Variants in PSMG2 observed in about 807,000 individuals in gnomAD.
PSMG2 encodes the protein proteasome assembly chaperone 2, also known as CD40 ligand-activated specific transcript 3.
Under a neutral mutation model 31.5 loss-of-function variants are expected in PSMG2, and 21 were observed. That is an observed-to-expected ratio of 0.67 (90% CI 0.47 to 0.96). The LOEUF is 0.96. Ranked by LOEUF, PSMG2 falls within the 40% of genes least tolerant of loss-of-function variation. PSMG2 has a pLI of 0.00. For missense variants in PSMG2, 318 were observed against 321.2 expected (o/e 0.99, Z 0.08); for synonymous variants, 120 against 110.4 (o/e 1.09, Z -0.54).
At chr18:12,666,436 GTTT>G (rs557490556) in intron 1 of PSMG2, among the ~76,000 whole-genome samples, 4 of 126,610 alleles carry the variant, frequency 3.2e-5, no homozygotes, top group South Asian at 2.6e-4. Flanking sequence ...AAATTTTATG[GTTT>G]TTTTTTTTTT....
intron 1 of PSMG2, chr18:12,672,921 A>T (rs900549626): frequency 1.0e-6 from 1 of 983,896 alleles, no homozygotes. Context: ...TGCAATAAAT[A>T]AATCTGTCAT....
chr18:12,725,071 C>A (rs547123390), intron 6 of PSMG2, among the ~76,000 whole-genome samples: 64 of 152,282 alleles, frequency 4.2e-4, no homozygotes, highest in African/African-American at 1.5e-3. Flanking sequence ...TTAGGCATAA[C>A]AGAACACTGA....
intron 2 of PSMG2, among the ~76,000 whole-genome samples, chr18:12,708,736 GTTC>G (rs1368179791): frequency 4.1e-5 from 1 of 24,526 alleles, no homozygotes; most frequent in Non-Finnish European, 8.1e-5. Flanking sequence ...ACAGAGTTTT[GTTC>G]TTGTTGCCCA....
chr18:12,709,944 CT>C (rs768131982), intron 2 of PSMG2, among the ~76,000 whole-genome samples: 273 of 132,138 alleles, frequency 2.1e-3, no homozygotes, highest in Non-Finnish European at 1.9e-3. Context: ...CCCTCATAAA[CT>C]TTTTTTTTTT....
intron 1 of PSMG2, among the ~76,000 whole-genome samples, chr18:12,678,780 A>AC (rs2039237386): frequency 6.6e-6 from 1 of 152,004 alleles, no homozygotes; most frequent in African/African-American, 2.4e-5. Context: ...ACATGGTGAA[A>AC]CCCCGTCTCT....
chr18:12,680,877 C>G (rs1204937331), intron 1 of PSMG2: 17 of 1,484,742 alleles, frequency 1.1e-5, no homozygotes, highest in Non-Finnish European at 1.4e-5. Flanking sequence ...ATTATTTCCT[C>G]ATTACATACT....
At position 12,720,556 on chromosome 18, in the gene PSMG2, CAAAAT is replaced by C; in HGVS notation, c.463_467del (p.Ile155GlufsTer3). The C allele has an allele frequency of 6.2e-7, 1 of 1,611,992 alleles. No homozygotes were observed. The highest frequency in any genetic ancestry group is 8.5e-7 in the Non-Finnish European group (1 of 1,179,194). ...TACACCTTCCATGCAAAAAAGTGTT[CAAAAT>C]AAAATAAAGAGCCTTAACTGGGAAG... is the stretch of plus-strand genomic sequence containing the variant. On this transcript the variant is annotated frameshift_variant, in exon 5 of 7. Transcript: ENST00000317615. LOFTEE classifies it high-confidence loss of function.
chr18:12,724,768 T>A, intron 6 of PSMG2, 149 bp downstream of exon 6: 2 of 929,602 alleles, frequency 2.2e-6, no homozygotes, highest in Non-Finnish European at 2.9e-6. Flanking sequence ...GCTGAACTTT[T>A]GAAAATTAGA....
At chr18:12,663,255 G>A (rs2038735535) in intron 1 of PSMG2, among the ~76,000 whole-genome samples, 1 of 152,094 alleles carries the variant, frequency 6.6e-6, no homozygotes, top group Non-Finnish European at 1.5e-5. Context: ...ATTCCAGTGG[G>A]AAATTAAAAA....
At chr18:12,717,197 C>G (rs1183877633) in intron 3 of PSMG2, among the ~76,000 whole-genome samples, 3 of 152,070 alleles carry the variant, frequency 2.0e-5, no homozygotes, top group East Asian at 3.9e-4. Context: ...AGTCTGCCCA[C>G]CACGGCCTCC....
intron 5 of PSMG2, among the ~76,000 whole-genome samples, chr18:12,722,830 G>A (rs982279268): frequency 1.3e-5 from 2 of 152,214 alleles, no homozygotes; most frequent in Non-Finnish European, 2.9e-5. Context: ...GGCGCGATAA[G>A]CTGAAGAGCA....
At chr18:12,702,570 G>A (rs903473534), upstream of PSMG2, 1 of 1,586,880 alleles carries the variant, frequency 6.3e-7, no homozygotes, top group Non-Finnish European at 8.6e-7. Context: ...GCGTCTCCCC[G>A]CCGCTTCTCC....
In PSMG2 at chr18:12,684,085, C is replaced by T. The variant is rs1226006128; in HGVS notation, c.-36-22465C>T. 5.3e-5 allele frequency among the ~76,000 whole-genome samples: 8 copies of T among 150,728 alleles called. No individual in the cohort carries two copies. In the South Asian group the frequency reaches 6.3e-4, roughly 12 times the overall value. The stretch of plus-strand genomic sequence containing the variant: ...TGTCGTCCAGTTTGGAGTGCAGTGG[C>T]GCGATCTCAGCTCACTGCAACCTCC... On this transcript the variant is annotated intron_variant, in intron 1 of 6. Transcript: ENST00000585331.
intron 1 of PSMG2, chr18:12,691,317 C>A (rs200423139): frequency 5.3e-6 from 7 of 1,319,340 alleles, no homozygotes; most frequent in Non-Finnish European, 7.3e-6. Context: ...AACAGTAAAT[C>A]TCAAATACAG....
At chr18:12,705,753 C>T (rs1350636597) in intron 1 of PSMG2, among the ~76,000 whole-genome samples, 1 of 152,176 alleles carries the variant, frequency 6.6e-6, no homozygotes, top group African/African-American at 2.4e-5. Flanking sequence ...TCCCAGATCT[C>T]TGTACGGCTG....
intron 1 of PSMG2, among the ~76,000 whole-genome samples, chr18:12,667,703 G>A (rs2038829853): frequency 6.7e-6 from 1 of 148,768 alleles, no homozygotes; most frequent in African/African-American, 2.5e-5. Flanking sequence ...AGAGGTTGCA[G>A]TGAACCAAGA....
upstream of PSMG2, chr18:12,702,415 C>G (rs1463253870): frequency 2.2e-5 from 27 of 1,234,384 alleles, no homozygotes; most frequent in Non-Finnish European, 3.1e-5. Context: ...GCTGTCGGCC[C>G]GGGGCCGCCG....
chr18:12,698,847 G>T, upstream of PSMG2: 1 of 647,260 alleles, frequency 1.5e-6, no homozygotes, highest in East Asian at 2.8e-5. Context: ...AAATTGAAAA[G>T]AGCAGTGGGA....
At chr18:12,708,973 A>G (rs980311684) in intron 2 of PSMG2, among the ~76,000 whole-genome samples, 4 of 151,818 alleles carry the variant, frequency 2.6e-5, no homozygotes, top group Non-Finnish European at 4.4e-5. Context: ...CGTCCTCCCA[A>G]AGTGCTGGGA....
Sources: allele counts gnomAD v4.1 joint callset (sites outside exome capture counted in the v4.1 genomes callset), GRCh38; gene constraint gnomAD v4.1.1; transcripts MANE v1.5; gene names NCBI Gene and HGNC (gene_info 2026-07-23, HGNC 2026-07-21).